DCLK3: variants seen among roughly 807,000 people sequenced by gnomAD.
DCLK3 encodes the protein serine/threonine-protein kinase DCLK3.
Under a neutral mutation model 46.4 loss-of-function variants are expected in DCLK3, and 30 were observed. That is an observed-to-expected ratio of 0.65 (90% CI 0.48 to 0.88). The LOEUF (loss-of-function observed/expected upper bound fraction) is 0.88, where lower values mean the gene tolerates loss of function less well. Ranked by LOEUF, DCLK3 falls within the 40% of genes least tolerant of loss-of-function variation. DCLK3 has a pLI of 0.00. For synonymous variants in DCLK3, 401 were observed against 339.2 expected (o/e 1.18, Z -2.00); for missense variants, 846 against 907.1 (o/e 0.93, Z 0.87).
In DCLK3 at chr3:36,715,241, C is replaced by T; in HGVS notation, c.*87G>A. 7.0e-7 allele frequency: 1 copy of T among 1,438,070 alleles called. No individual in the cohort carries two copies. The highest frequency in any genetic ancestry group is 2.5e-5 in the East Asian group (1 of 40,544). The allele number at this position is 1,438,070 out of a possible 1,614,324, so 89.1% of individuals were successfully genotyped here. ...CTGATTCACCAATTATGTGAAGAAG[C>T]CTCTTTCATTGTTTTTCTCTCAAAC... On this transcript the variant is annotated 3_prime_UTR_variant, in exon 5 of 5. Transcript: ENST00000636136.
chr3:36,732,454 A>G (rs905405909), intron 2 of DCLK3, among the ~76,000 whole-genome samples: 2 of 152,188 alleles, frequency 1.3e-5, no homozygotes, highest in African/African-American at 4.8e-5. Context: ...TGTCTTACCA[A>G]TGTAAACCTA....
At chr3:36,760,827 C>A (rs909699244) in intron 1 of DCLK3, among the ~76,000 whole-genome samples, 1 of 152,198 alleles carries the variant, frequency 6.6e-6, no homozygotes, top group Non-Finnish European at 1.5e-5. Context: ...ACTTTAATAA[C>A]AATACTTTTC....
At chr3:36,759,955 G>A (rs1333199101) in intron 1 of DCLK3, among the ~76,000 whole-genome samples, 1 of 152,180 alleles carries the variant, frequency 6.6e-6, no homozygotes, top group African/African-American at 2.4e-5. Flanking sequence ...TCACACTGTG[G>A]CAGGGGCAGT....
At chr3:36,752,665 T>G (rs1027196104) in intron 1 of DCLK3, among the ~76,000 whole-genome samples, 1 of 152,172 alleles carries the variant, frequency 6.6e-6, no homozygotes, top group East Asian at 1.9e-4. Context: ...GGATCTAATA[T>G]CATTACTCCA....
rs150188991 is a variant in DCLK3, at chr3:36,744,392, A to T, written c.83-5308T>A. Among the ~76,000 whole-genome samples, 204 of 152,352 alleles carry T rather than the reference A, an allele frequency of 1.3e-3. 1 individual carries two copies. The highest frequency in any genetic ancestry group is 2.1e-3 in the Non-Finnish European group (144 of 68,030). Reference sequence around the variant, plus strand: ...GCGACAGGAAATTTGACAAAGTAGCATTTCTGAAGAACAACTCATAGAGGT... The same window carrying T: ...GCGACAGGAAATTTGACAAAGTAGCTTTTCTGAAGAACAACTCATAGAGGT... On this transcript the variant is annotated intron_variant, in intron 1 of 4. Coordinates refer to ENST00000636136, the MANE Select transcript of DCLK3 (RefSeq NM_001394672.2).
In DCLK3 at chr3:36,737,176, C is replaced by G. The variant is rs1288568291; in HGVS notation, c.1959+32G>C. On this transcript the variant is annotated intron_variant, in intron 2 of 4. Coordinates refer to ENST00000636136, the MANE Select transcript of DCLK3 (RefSeq NM_001394672.2). This position sits in a 1 kb window ranked among gnomAD's most constrained non-coding sequence, Gnocchi z 4.4. ...ATTTTATCCCATATTCTAAAAACACCCTCTCCCATATCATCAAAAGTCAAG... is the reference window on the plus strand; with the variant it reads ...ATTTTATCCCATATTCTAAAAACACGCTCTCCCATATCATCAAAAGTCAAG... 6.3e-7 allele frequency: 1 copy of G among 1,589,788 alleles called. No homozygotes were observed. Among genetic ancestry groups the G allele is most frequent in the Non-Finnish European group, 8.6e-7 (1 of 1,167,134 alleles).
intron 1 of DCLK3, among the ~76,000 whole-genome samples, chr3:36,751,086 A>AAAAAAAAAAAAAAAT (rs1559394270): frequency 2.0e-5 from 3 of 149,948 alleles, no homozygotes; most frequent in Non-Finnish European, 4.4e-5. Flanking sequence ...AAAAAAAAAA[A>AAAAAAAAAAAAAAAT]CTCCCCGAAG....
chr3:36,736,281 T>C (rs1190693653), intron 2 of DCLK3, among the ~76,000 whole-genome samples: 1 of 152,156 alleles, frequency 6.6e-6, no homozygotes, highest in African/African-American at 2.4e-5. Context: ...TAATCAGGTA[T>C]CTTAATAATT....
chr3:36,747,689 T>C (rs1701404851), intron 1 of DCLK3, among the ~76,000 whole-genome samples: 1 of 152,118 alleles, frequency 6.6e-6, no homozygotes, highest in South Asian at 2.1e-4. Flanking sequence ...AGGGGGAGGA[T>C]AGAGATCTTT....
Position 36,738,281 on chromosome 3 carries a change from C to T in DCLK3, c.886G>A (p.Val296Met), listed in dbSNP as rs200698341. The T allele has an allele frequency of 6.5e-6, 10 of 1,528,432 alleles. No homozygotes were observed. Among genetic ancestry groups the T allele is most frequent in the Non-Finnish European group, 8.8e-6 (10 of 1,140,602 alleles). The allele number at this position is 1,528,432 out of a possible 1,614,324, so 94.7% of individuals were successfully genotyped here. A position where few individuals can be genotyped will look rare whatever the true frequency, so the allele number is the denominator to read the frequency against. ...TCACCCGAGGTCTTTTCAATCTCCA[C>T]CCCAAGATGCTTCTCTCCCCTTGCG... The part of the protein sequence containing the change: ...RHARGEKHLG[V>M]EIEKTSGEII... The change falls in exon 2 of 5, where the codon GTG becomes ATG. Residue 296 changes from valine to methionine, a missense_variant. By Grantham distance (21) the Val-to-Met change is conservative. Coordinates refer to ENST00000636136, the MANE Select transcript of DCLK3 (RefSeq NM_001394672.2).
In DCLK3 at chr3:36,724,083, C is replaced by T. The variant is rs547123652; in HGVS notation, c.1960-2424G>A. Among the ~76,000 whole-genome samples, 323 of 152,310 alleles carry T rather than the reference C, an allele frequency of 2.1e-3. 2 individuals are homozygous for T. The highest frequency in any genetic ancestry group is 7.2e-3 in the African/African-American group (298 of 41,572). ...CATGGGAACCCACCTCTTGCATTAGCGTGACCTGGATGTGAGACCTGGAGT... is the reference window on the plus strand; with the variant it reads ...CATGGGAACCCACCTCTTGCATTAGTGTGACCTGGATGTGAGACCTGGAGT... On this transcript the variant is annotated intron_variant, in intron 2 of 4. Transcript: ENST00000636136.
chr3:36,718,087 T>C lies in DCLK3; in HGVS notation c.2183A>G (p.Asp728Gly), dbSNP rs1701007862. The C allele has an allele frequency of 6.2e-7, 1 of 1,613,962 alleles. No homozygotes were observed. Among genetic ancestry groups the C allele is most frequent in the South Asian group, 1.1e-5 (1 of 91,080 alleles). Residue 728 changes from aspartate to glycine, a missense_variant, in exon 4 of 5, where the codon GAC becomes GGC. By Grantham distance (94) the Asp-to-Gly change is moderately conservative. Coordinates refer to ENST00000636136, the MANE Select transcript of DCLK3 (RefSeq NM_001394672.2). Reference sequence around the variant, plus strand: ...GATGATGTTAAAGAGCTCGTCCTGGTCCCTCTCAGGGCTGCGGAATGGGGG... The same window carrying C: ...GATGATGTTAAAGAGCTCGTCCTGGCCCCTCTCAGGGCTGCGGAATGGGGG... ...GFPPFRSPER[D>G]QDELFNIIQL...
intron 2 of DCLK3, among the ~76,000 whole-genome samples, chr3:36,731,697 T>C (rs1184931978): frequency 2.6e-5 from 4 of 152,152 alleles, no homozygotes; most frequent in Non-Finnish European, 5.9e-5. Context: ...ACAAGTCTTG[T>C]CTTTACCCTT....
At chr3:36,717,924 C>T in intron 4 of DCLK3, 86 bp downstream of exon 4, 1 of 1,546,532 alleles carries the variant, frequency 6.5e-7, no homozygotes, top group Non-Finnish European at 8.8e-7. Flanking sequence ...TCCAACTCTG[C>T]ACCAGGCACA....
intron 1 of DCLK3, among the ~76,000 whole-genome samples, chr3:36,752,954 G>T (rs1307534876): frequency 6.6e-6 from 1 of 152,174 alleles, no homozygotes; most frequent in Non-Finnish European, 1.5e-5. Flanking sequence ...ATAGTTCATG[G>T]TAATCATCAG....
At chr3:36,741,416 C>T (rs1575143841) in intron 1 of DCLK3, among the ~76,000 whole-genome samples, 1 of 152,134 alleles carries the variant, frequency 6.6e-6, no homozygotes, top group Non-Finnish European at 1.5e-5. Context: ...TGGACTGAGG[C>T]TTTTCCAAGC....
intron 1 of DCLK3, among the ~76,000 whole-genome samples, chr3:36,753,275 C>G (rs997307189): frequency 2.0e-5 from 3 of 152,326 alleles, no homozygotes; most frequent in East Asian, 1.9e-4. Flanking sequence ...TAAAGTCCCA[C>G]TCCCTCCTCC....
chr3:36,718,777 A>G (rs1701020262), intron 3 of DCLK3, among the ~76,000 whole-genome samples: 1 of 152,212 alleles, frequency 6.6e-6, no homozygotes, highest in East Asian at 1.9e-4. Context: ...TGATTTTTAA[A>G]AGACTGATGT....
At position 36,737,696 on chromosome 3, in the gene DCLK3, C is replaced by A; in HGVS notation, c.1471G>T (p.Glu491Ter). The change falls in exon 2 of 5, where the codon GAA (glutamate) becomes TAA (stop). Residue 491 changes from glutamate (E) to a stop codon, truncating the protein, a stop_gained. Transcript: ENST00000636136. LOFTEE classifies it high-confidence loss of function. This position sits in a 1 kb window ranked among gnomAD's most constrained non-coding sequence, Gnocchi z 4.4. ...TCTGGCCTCGTCTTGGGCTCCTTTT[C>A]TAGCTTTGCAGGTTGGTCATCTCTG... Reference protein sequence around the residue: ...TLRDDQPAKLEKEPKTRPEEN... With the variant: ...TLRDDQPAKL The A allele has an allele frequency of 6.2e-7, 1 of 1,613,806 alleles. No individual in the cohort carries two copies. Among genetic ancestry groups the A allele is most frequent in the Non-Finnish European group, 8.5e-7 (1 of 1,179,936 alleles).
Sources: gnomAD v4.1 joint callset for allele counts (sites outside exome capture counted in the v4.1 genomes callset) on GRCh38, gnomAD v4.1.1 for gene constraint, Gnocchi (gnomAD v3.1) non-coding constraint, MANE v1.5 for transcripts, NCBI Gene and HGNC (gene_info 2026-07-23, HGNC 2026-07-21) for gene names.